KLHL36: variants seen among roughly 807,000 people sequenced by gnomAD.
KLHL36 encodes the protein kelch like family member 36.
Under a neutral mutation model 53.3 loss-of-function variants are expected in KLHL36, and 35 were observed. That is an observed-to-expected ratio of 0.66 (90% CI 0.50 to 0.87). The LOEUF is 0.87. Ranked by LOEUF, KLHL36 falls within the 40% of genes least tolerant of loss-of-function variation. The pLI is 0.00. For synonymous variants in KLHL36, 472 were observed against 398.9 expected, an observed-to-expected ratio of 1.18 and a Z score of -2.18; for missense variants, 864 against 897.6, an observed-to-expected ratio of 0.96 and a Z score of 0.48.
chr16:84,663,393 A>C lies in KLHL36; in HGVS notation c.*1260A>C, dbSNP rs1313896984. 6.6e-6 allele frequency: 1 copy of C among 152,258 alleles called. No homozygotes were observed. The highest frequency in any genetic ancestry group is 1.9e-4 in the East Asian group (1 of 5,206). 9.4% of individuals were successfully genotyped at this position (152,258 alleles called of 1,614,324 possible). On this transcript the variant is annotated 3_prime_UTR_variant, in exon 5 of 5. Coordinates refer to ENST00000564996, the MANE Select transcript of KLHL36 (RefSeq NM_024731.4). ...CACTGACTCCTGCAAACAGTTCCTAAAGCAGGTGTCAGGGTCGCTTGCCCT... is the reference window on the plus strand; with the variant it reads ...CACTGACTCCTGCAAACAGTTCCTACAGCAGGTGTCAGGGTCGCTTGCCCT...
At chr16:84,650,969 A>G (rs373544911) in intron 2 of KLHL36, 39 bp downstream of exon 2, 58 of 1,503,686 alleles carry the variant, frequency 3.9e-5, no homozygotes, top group Non-Finnish European at 5.1e-5. Flanking sequence ...CAAATTGCCT[A>G]AGAAGTGTGA....
intron 2 of KLHL36, among the ~76,000 whole-genome samples, chr16:84,655,913 G>C (rs1252318577): frequency 1.3e-5 from 2 of 151,850 alleles, no homozygotes; most frequent in East Asian, 3.9e-4. Context: ...TTTATTTAGA[G>C]ACAGGGTTTC....
chr16:84,657,396 C>T lies in KLHL36; in HGVS notation c.589C>T (p.Leu197=), dbSNP rs200575691. The stretch of plus-strand genomic sequence containing the variant: ...CTCCATGCAGAAGCTGTGTGTCTAC[C>T]TGAGCAGCAGCGAGGTGCAGCGGGA... ...NVSMQKLCVY[L]SSSEVQRECE... The change falls in exon 3 of 5, where the codon CTG becomes TTG. Residue 197 remains leucine, a synonymous_variant. Coordinates refer to ENST00000564996, the MANE Select transcript of KLHL36 (RefSeq NM_024731.4). 1.5e-5 allele frequency: 24 copies of T among 1,608,532 alleles called. No homozygotes were observed. Among genetic ancestry groups the T allele is most frequent in the Non-Finnish European group, 1.7e-5 (20 of 1,180,000 alleles).
Position 84,667,281 on chromosome 16 carries a change from G to T in KLHL36, c.*5148G>T, listed in dbSNP as rs1416069355. 1 of 152,098 alleles carries T rather than the reference G, an allele frequency of 6.6e-6. No individual in the cohort carries two copies. Among genetic ancestry groups the T allele is most frequent in the East Asian group, 1.9e-4 (1 of 5,196 alleles). The allele number at this position is 152,098 out of a possible 1,614,324, so 9.4% of individuals were successfully genotyped here. A position where few individuals can be genotyped will look rare whatever the true frequency, so the allele number is the denominator to read the frequency against. ...AGTCATGTCCTTTGGATTGATTGAG[G>T]TTAAATCATCAACCACTAGCCCCCT... On this transcript the variant is annotated 3_prime_UTR_variant, in exon 5 of 5. Coordinates refer to ENST00000564996, the MANE Select transcript of KLHL36 (RefSeq NM_024731.4).
At chr16:84,656,834 G>C in intron 2 of KLHL36, 37 bp from the exon 3 acceptor site, 3 of 1,526,278 alleles carry the variant, frequency 2.0e-6, no homozygotes, top group Non-Finnish European at 2.7e-6. Flanking sequence ...GGCCGAGCAG[G>C]CTGCTGCGCC....
At position 84,657,593 on chromosome 16, in the gene KLHL36, C is replaced by A. The variant is rs1290106716; in HGVS notation, c.786C>A (p.Asn262Lys). Residue 262 changes from asparagine to lysine, a missense_variant, in exon 3 of 5, where the codon AAC (asparagine) becomes AAA (lysine). Physicochemically the swap from Asn to Lys is moderately conservative, Grantham distance 94 (BLOSUM62 0). Coordinates refer to ENST00000564996, the MANE Select transcript of KLHL36 (RefSeq NM_024731.4). Reference sequence around the variant, plus strand: ...GCTCGCTGCTGCCCAAGGAGGCCAACTGCGAGGGCTTCATCGAGGAGGCCG... The same window carrying A: ...GCTCGCTGCTGCCCAAGGAGGCCAAATGCGAGGGCTTCATCGAGGAGGCCG... The part of the protein sequence containing the change: ...AVCSLLPKEA[N>K]CEGFIEEAVR... 1.2e-6 allele frequency: 2 copies of A among 1,611,108 alleles called. No individual in the cohort carries two copies. The highest frequency in any genetic ancestry group is 3.3e-5 in the Admixed American group (2 of 59,990).
chr16:84,657,722 C>A lies in KLHL36; in HGVS notation c.915C>A (p.Ser305=). Residue 305 remains serine, a synonymous_variant, in exon 3 of 5, where the codon TCC becomes TCA. Transcript: ENST00000564996. ...ERLLFVGGEV[S]ERCLELSDDT... ...TGCTGTTTGTGGGCGGCGAGGTCTC[C>A]GAGCGGTGTCTGGAGCTCAGTGACG... 1 of 1,612,474 alleles carries A rather than the reference C, an allele frequency of 6.2e-7. No homozygotes were observed. The highest frequency in any genetic ancestry group is 8.5e-7 in the Non-Finnish European group (1 of 1,179,726).
rs1292264426 is a variant in KLHL36, at chr16:84,662,342, C to T, written c.*209C>T. 2 of 521,852 alleles carry T rather than the reference C, an allele frequency of 3.8e-6. No homozygotes were observed. The highest frequency in any genetic ancestry group is 3.1e-5 in the East Asian group (1 of 32,668). 32.3% of individuals were successfully genotyped at this position (521,852 alleles called of 1,614,324 possible). The stretch of plus-strand genomic sequence containing the variant: ...TTGCTTGAATAACTAACCCTGGGCC[C>T]AGGCAGTGAGCAACCCCTTGTATCT... On this transcript the variant is annotated 3_prime_UTR_variant, in exon 5 of 5. Transcript: ENST00000564996.
In KLHL36 at chr16:84,661,852, A is replaced by C; in HGVS notation, c.1570A>C (p.Asn524His). 1 of 1,603,668 alleles carries C rather than the reference A, an allele frequency of 6.2e-7. No homozygotes were observed. The highest frequency in any genetic ancestry group is 1.1e-5 in the South Asian group (1 of 90,798). Reference protein sequence around the residue: ...LGVEAYSPQCNQWTRVAPLLH... With the variant: ...LGVEAYSPQCHQWTRVAPLLH... Reference sequence around the variant, plus strand: ...CGTGGAGGCCTACAGCCCGCAGTGCAACCAGTGGACCCGCGTGGCGCCGCT... The same window carrying C: ...CGTGGAGGCCTACAGCCCGCAGTGCCACCAGTGGACCCGCGTGGCGCCGCT... The change falls in exon 5 of 5, where the codon AAC becomes CAC. Residue 524 changes from asparagine (N) to histidine (H), a missense_variant. Transcript: ENST00000564996. This position sits in a 1 kb window ranked among gnomAD's most constrained non-coding sequence, Gnocchi z 7.9.
chr16:84,661,417 C>G lies in KLHL36; in HGVS notation c.1296-161C>G, dbSNP rs1756632469. Among the ~76,000 whole-genome samples, 1 of 152,204 alleles carries G rather than the reference C, an allele frequency of 6.6e-6. No homozygotes were observed. Among genetic ancestry groups the G allele is most frequent in the African/African-American group, 2.4e-5 (1 of 41,468 alleles). On this transcript the variant is annotated intron_variant, in intron 4 of 4. Transcript: ENST00000564996. This position sits in a 1 kb window ranked among gnomAD's most constrained non-coding sequence, Gnocchi z 7.9. The stretch of plus-strand genomic sequence containing the variant: ...CCCGCCCTGCCCTGCCATTTCTTTG[C>G]TAATGACGGCTACTGTCTATAGAGT...
intron 2 of KLHL36, among the ~76,000 whole-genome samples, chr16:84,654,492 A>T (rs1370271399): frequency 6.6e-6 from 1 of 152,236 alleles, no homozygotes; most frequent in African/African-American, 2.4e-5. Flanking sequence ...TACAAAAAAT[A>T]AAAGTAAAAA....
chr16:84,651,758 TAA>T (rs1414633374), intron 2 of KLHL36, among the ~76,000 whole-genome samples: 1 of 152,156 alleles, frequency 6.6e-6, no homozygotes, highest in Non-Finnish European at 1.5e-5. Context: ...CTTTTATGCA[TAA>T]GACACAATTA....
In KLHL36 at chr16:84,656,888, C is replaced by G. The variant is rs1052253745; in HGVS notation, c.81C>G (p.Asp27Glu). ...CTGTCCAGGTATACCGCTGGGCCGA[C>G]CACTCAAGCACGGTGCTGCAGCGGC... is the stretch of plus-strand genomic sequence containing the variant. ...SESSKVYRWA[D>E]HSSTVLQRLN... Residue 27 changes from aspartate (D) to glutamate (E), a missense_variant, in exon 3 of 5, where the codon GAC (aspartate) becomes GAG (glutamate). Asp to Glu is a conservative substitution (Grantham distance 45). Coordinates refer to ENST00000564996, the MANE Select transcript of KLHL36 (RefSeq NM_024731.4). The G allele has an allele frequency of 6.2e-7, 1 of 1,609,028 alleles. No individual in the cohort carries two copies. Among genetic ancestry groups the G allele is most frequent in the Non-Finnish European group, 8.5e-7 (1 of 1,177,406 alleles).
In KLHL36 at chr16:84,661,865, G is replaced by C; in HGVS notation, c.1583G>C (p.Arg528Pro). The C allele has an allele frequency of 1.2e-6, 2 of 1,600,704 alleles. No homozygotes were observed. The highest frequency in any genetic ancestry group is 1.7e-6 in the Non-Finnish European group (2 of 1,169,764). The change falls in exon 5 of 5, where the codon CGC (arginine) becomes CCC (proline). Residue 528 changes from arginine (R) to proline (P), a missense_variant. Physicochemically the swap from Arg to Pro is moderately radical, Grantham distance 103. Coordinates refer to ENST00000564996, the MANE Select transcript of KLHL36 (RefSeq NM_024731.4). The surrounding 1 kb of genome is among the most constrained non-coding windows in gnomAD (Gnocchi z 7.9). ...AYSPQCNQWT[R>P]VAPLLHANSE... ...AGCCCGCAGTGCAACCAGTGGACCC[G>C]CGTGGCGCCGCTGCTGCACGCCAAC...
chr16:84,662,143 C>A lies in KLHL36; in HGVS notation c.*10C>A, dbSNP rs568840502. The A allele has an allele frequency of 2.0e-6, 3 of 1,509,558 alleles. No individual in the cohort carries two copies. 93.5% of individuals were successfully genotyped at this position (1,509,558 alleles called of 1,614,324 possible). Reference sequence around the variant, plus strand: ...GGACCGGGGCCAGTGACCCTAGCTGCGCCTCTTGGGACCATCCTCACCGTC... The same window carrying A: ...GGACCGGGGCCAGTGACCCTAGCTGAGCCTCTTGGGACCATCCTCACCGTC... On this transcript the variant is annotated 3_prime_UTR_variant, in exon 5 of 5. Coordinates refer to ENST00000564996, the MANE Select transcript of KLHL36 (RefSeq NM_024731.4).
rs541128838 is a variant in KLHL36, at chr16:84,659,909, C to T, written c.1287C>T (p.Gly429=). The T allele has an allele frequency of 2.6e-5, 42 of 1,605,354 alleles. No homozygotes were observed. Among genetic ancestry groups the T allele is most frequent in the East Asian group, 1.6e-4 (7 of 44,596 alleles). The change falls in exon 4 of 5, where the codon GGC becomes GGT. Residue 429 remains glycine (G), a synonymous_variant. Transcript: ENST00000564996. ...PKTDSWSYVA[G]LPRFTYGHAG... is the part of the protein sequence containing the mutation. ...CTGACTCCTGGTCCTATGTGGCCGG[C>T]TTGCCAAGGTGATCTGGGGCTTGGT... is the stretch of plus-strand genomic sequence containing the variant.
intron 2 of KLHL36, 53 bp from the exon 3 acceptor site, chr16:84,656,818 G>C: frequency 7.1e-7 from 1 of 1,414,586 alleles, no homozygotes; most frequent in Non-Finnish European, 9.7e-7. Flanking sequence ...CACTGGGTTG[G>C]ACCAGGGCCG....
At chr16:84,653,084 G>T (rs551789134) in intron 2 of KLHL36, among the ~76,000 whole-genome samples, 1 of 152,258 alleles carries the variant, frequency 6.6e-6, no homozygotes, top group African/African-American at 2.4e-5. Context: ...GAGCCTGGTG[G>T]CATACACCTG....
intron 2 of KLHL36, among the ~76,000 whole-genome samples, chr16:84,652,460 G>A (rs976384015): frequency 2.0e-5 from 3 of 151,998 alleles, no homozygotes; most frequent in Non-Finnish European, 4.4e-5. Flanking sequence ...TAGTAGAGAC[G>A]GGGTTTCACC....
Sources: gnomAD v4.1 joint callset for allele counts (sites outside exome capture counted in the v4.1 genomes callset) on GRCh38, gnomAD v4.1.1 for gene constraint, Gnocchi (gnomAD v3.1) non-coding constraint, MANE v1.5 for transcripts, NCBI Gene and HGNC (gene_info 2026-07-23, HGNC 2026-07-21) for gene names.